The following CLASP1 variants were observed in gnomAD, a reference collection of about 807,000 sequenced individuals.
CLASP1 encodes the protein cytoplasmic linker associated protein 1.
CLASP1 carries 38 observed loss-of-function variants against 192.3 expected under a neutral mutation model. The observed-to-expected ratio is 0.20, with a 90% CI of 0.15 to 0.26. The LOEUF is 0.26. CLASP1 is among the 10% of genes least tolerant of loss of function. The pLI, the probability that CLASP1 is intolerant of heterozygous loss-of-function variation, is 1.00. For synonymous variants in CLASP1, 691 were observed against 712.8 expected (o/e 0.97, Z 0.49); for missense variants, 1,433 against 1,932.5 (o/e 0.74, Z 4.85).
intron 33 of CLASP1, among the ~76,000 whole-genome samples, chr2:121,378,159 A>G (rs1297124116): frequency 1.3e-5 from 2 of 152,184 alleles, no homozygotes; most frequent in Non-Finnish European, 2.9e-5. Context: ...AAACCCTATT[A>G]AAACAAAACA....
At chr2:121,512,012 G>A (rs2094151209) in intron 7 of CLASP1, among the ~76,000 whole-genome samples, 1 of 152,144 alleles carries the variant, frequency 6.6e-6, no homozygotes, top group Non-Finnish European at 1.5e-5. Flanking sequence ...CCTGATGAAT[G>A]TTTATAAATT....
intron 19 of CLASP1, among the ~76,000 whole-genome samples, chr2:121,441,926 T>A (rs187295786): frequency 6.6e-6 from 1 of 152,200 alleles, no homozygotes; most frequent in Non-Finnish European, 1.5e-5. Flanking sequence ...AAATCTAAGT[T>A]CTTTTTCCTG....
chr2:121,347,244 C>T (rs1472176252), intron 38 of CLASP1, 90 bp from the exon 40 acceptor site: 1 of 869,122 alleles, frequency 1.2e-6, no homozygotes, highest in South Asian at 1.5e-5. Flanking sequence ...CAAATGCCCT[C>T]AGAGTTCAAC....
chr2:121,342,055 CAT>C (rs2062843928), intron 39 of CLASP1, among the ~76,000 whole-genome samples: 1 of 151,826 alleles, frequency 6.6e-6, no homozygotes, highest in African/African-American at 2.4e-5. Flanking sequence ...ATTGAGTTAA[CAT>C]ATTCTTAAAC....
intron 23 of CLASP1, among the ~76,000 whole-genome samples, chr2:121,414,458 C>A (rs2078223256): frequency 6.6e-6 from 1 of 152,132 alleles, no homozygotes; most frequent in African/African-American, 2.4e-5. Context: ...ACTAAGTATG[C>A]ATCAACCAAC....
At chr2:121,479,771 C>CA (rs1467972925) in intron 8 of CLASP1, among the ~76,000 whole-genome samples, 1 of 152,110 alleles carries the variant, frequency 6.6e-6, no homozygotes, top group Non-Finnish European at 1.5e-5. Context: ...CCACTCTGTA[C>CA]AAAAAATCTT....
intron 8 of CLASP1, among the ~76,000 whole-genome samples, chr2:121,473,341 C>T (rs1333344589): frequency 6.6e-6 from 1 of 151,944 alleles, no homozygotes; most frequent in African/African-American, 2.4e-5. Flanking sequence ...AGATTAAGTG[C>T]AGACTAGACA....
chr2:121,529,264 G>T (rs6541781), intron 3 of CLASP1, among the ~76,000 whole-genome samples: 19 of 151,934 alleles, frequency 1.3e-4, no homozygotes, highest in Non-Finnish European at 2.6e-4. Context: ...CATCTTCCCC[G>T]ACATACCCAG....
intron 2 of CLASP1, chr2:121,532,817 T>C (rs2094930684): frequency 1.3e-5 from 2 of 152,206 alleles, no homozygotes; most frequent in Admixed American, 6.5e-5. Flanking sequence ...TCATTAATTG[T>C]AATAAACCAC....
chr2:121,398,969 A>T (rs1047979335), intron 28 of CLASP1, among the ~76,000 whole-genome samples: 1 of 152,232 alleles, frequency 6.6e-6, no homozygotes, highest in Non-Finnish European at 1.5e-5. Flanking sequence ...TCTTGGCCAG[A>T]GAGTCAGTGC....
At chr2:121,473,976 T>C (rs997160166) in intron 8 of CLASP1, among the ~76,000 whole-genome samples, 7 of 152,138 alleles carry the variant, frequency 4.6e-5, no homozygotes, top group African/African-American at 9.7e-5. Flanking sequence ...ATGATACCAG[T>C]TGGAAACTTG....
exon 3 of CLASP1, chr2:121,530,257 C>T (rs1328482724): frequency 4.5e-6 from 7 of 1,551,910 alleles, no homozygotes; most frequent in Non-Finnish European, 5.2e-6. Flanking sequence ...CTGTGCCGAT[C>T]TGCGCCTTGA....
In CLASP1 at chr2:121,420,710, T is replaced by C. The variant is rs547187097; in HGVS notation, c.2213-1981A>G. 4.6e-5 allele frequency among the ~76,000 whole-genome samples: 7 copies of C among 152,356 alleles called. No individual in the cohort carries two copies. The South Asian group carries it at 1.4e-3, about 32-fold the overall frequency. ...AATAATAAAAAAGCTATAAAAGGTC[T>C]TGATAGTTGTTTAAACAAGTTCATG... is the stretch of plus-strand genomic sequence containing the variant. On this transcript the variant is annotated intron_variant, in intron 22 of 39. Coordinates refer to ENST00000263710, the Ensembl canonical transcript of CLASP1.
chr2:121,550,957 A>G (rs1376941289), intron 2 of CLASP1, among the ~76,000 whole-genome samples: 1 of 152,200 alleles, frequency 6.6e-6, no homozygotes, highest in Admixed American at 6.5e-5. Flanking sequence ...GAGCATCGAT[A>G]CAAAAATCTT....
exon 2 of CLASP1, chr2:121,605,983 T>G (rs2064370340): frequency 2.5e-6 from 3 of 1,193,928 alleles, no homozygotes; most frequent in Admixed American, 4.5e-5. Flanking sequence ...GTTGCCTCTT[T>G]GTTCGCTGAA....
chr2:121,520,396 A>G (rs2094430949), intron 6 of CLASP1, among the ~76,000 whole-genome samples: 1 of 152,130 alleles, frequency 6.6e-6, no homozygotes, highest in Non-Finnish European at 1.5e-5. Flanking sequence ...AGTGCCTTGG[A>G]GCGTGGGTAC....
rs58688393 is a variant in CLASP1, at chr2:121,636,338, AAATAAT to A, written c.-286+13028_-286+13033del. Among the ~76,000 whole-genome samples the A allele has an allele frequency of 3.7e-3, 511 of 138,162 alleles. 1 individual carries two copies. The highest frequency in any genetic ancestry group is 0.011 in the Middle Eastern group (3 of 272). The allele number at this position is 138,162 out of a possible 152,430, so 90.6% of individuals were successfully genotyped here. The stretch of plus-strand genomic sequence containing the variant: ...GTGACAGAGTGAGACTCCATTTCAA[AAATAAT>A]AATAATAATAATAATAATAATAATA... On this transcript the variant is annotated intron_variant, in intron 1 of 39. Transcript: ENST00000263710.
intron 2 of CLASP1, among the ~76,000 whole-genome samples, chr2:121,598,818 T>C (rs1169730490): frequency 6.6e-6 from 1 of 152,206 alleles, no homozygotes; most frequent in Non-Finnish European, 1.5e-5. Context: ...AAGAAACACT[T>C]AAATGCAAAG....
chr2:121,467,784 A>C (rs2089941618), intron 9 of CLASP1, among the ~76,000 whole-genome samples: 1 of 152,134 alleles, frequency 6.6e-6, no homozygotes, highest in African/African-American at 2.4e-5. Context: ...TGCTGTGCAG[A>C]AGCTCTTTAA....
Sources: gnomAD v4.1 joint callset for allele counts (sites outside exome capture counted in the v4.1 genomes callset) on GRCh38, gnomAD v4.1.1 for gene constraint, MANE v1.5 for transcripts, NCBI Gene and HGNC (gene_info 2026-07-23, HGNC 2026-07-21) for gene names.